Variants in C12orf54 observed in about 807,000 individuals in gnomAD.
The protein encoded by C12orf54 is uncharacterized protein C12orf54.
C12orf54 carries 24 observed loss-of-function variants against 26.4 expected under a neutral mutation model. The observed-to-expected ratio is 0.91, with a 90% CI of 0.66 to 1.28. The LOEUF is 1.28. C12orf54 is among the 50% of genes most tolerant of loss of function. The pLI is 0.00. For missense variants in C12orf54, 154 were observed against 150.9 expected (o/e 1.02, Z -0.11); for synonymous variants, 54 against 47.0 (o/e 1.15, Z -0.61).
At chr12:48,419,259 A>G in the C12orf54 span, among the ~76,000 whole-genome samples, 1 of 152,326 alleles carries the variant, frequency 6.6e-6, no homozygotes, top group African/African-American at 2.4e-5. Context: ...CCTTGAAGAC[A>G]TAGTTGGGAT....
intron 7 of C12orf54, 66 bp downstream of exon 7, chr12:48,493,061 C>T (rs961083458): frequency 2.5e-5 from 35 of 1,406,354 alleles, no homozygotes; most frequent in Non-Finnish European, 3.1e-5. Flanking sequence ...GTGTGCTGGC[C>T]ATGAATATAG....
the C12orf54 span, among the ~76,000 whole-genome samples, chr12:48,466,386 T>C: frequency 5.9e-5 from 9 of 151,770 alleles, no homozygotes; most frequent in Admixed American, 5.9e-4. Flanking sequence ...CTAATAAAAA[T>C]ACAAAAATTA....
the C12orf54 span, chr12:48,472,763 A>G: frequency 6.2e-7 from 1 of 1,614,228 alleles, no homozygotes; most frequent in Non-Finnish European, 8.5e-7. Context: ...ATGAAGGCAA[A>G]TTGGAAGGCC....
chr12:48,477,138 G>A, the C12orf54 span, among the ~76,000 whole-genome samples: 1 of 152,332 alleles, frequency 6.6e-6, no homozygotes, highest in Admixed American at 6.5e-5. Context: ...ACATGCTCCT[G>A]AGTGACTACT....
the C12orf54 span, among the ~76,000 whole-genome samples, chr12:48,450,122 T>C: frequency 2.0e-5 from 3 of 152,186 alleles, no homozygotes; most frequent in Non-Finnish European, 4.4e-5. Flanking sequence ...ACTAATACAT[T>C]GCATTAATGC....
At chr12:48,488,163 G>A (rs1937694954) in intron 4 of C12orf54, 1 of 752,572 alleles carries the variant, frequency 1.3e-6, no homozygotes, top group South Asian at 1.4e-5. Flanking sequence ...CCTTATGAAT[G>A]AGGGTATCCA....
chr12:48,433,455 TGGGG>T, the C12orf54 span, among the ~76,000 whole-genome samples: 401 of 134,962 alleles, frequency 3.0e-3, 3 homozygotes, highest in African/African-American at 9.8e-3. Context: ...AGCTTTTTTT[TGGGG>T]GGGGGGGGGG....
At chr12:48,488,985 C>A (rs771315501) in intron 5 of C12orf54, 29 bp downstream of exon 5, 1 of 1,606,460 alleles carries the variant, frequency 6.2e-7, no homozygotes, top group South Asian at 1.1e-5. Flanking sequence ...TCTCTGAATT[C>A]CCCAGCCCCA....
the C12orf54 span, among the ~76,000 whole-genome samples, chr12:48,416,816 T>A: frequency 6.6e-6 from 1 of 151,894 alleles, no homozygotes; most frequent in African/African-American, 2.4e-5. Context: ...GGGCCTAGAT[T>A]GTGCCACTGC....
At chr12:48,481,447 T>C (rs1954197926), upstream of C12orf54, among the ~76,000 whole-genome samples, 1 of 152,112 alleles carries the variant, frequency 6.6e-6, no homozygotes, top group Admixed American at 6.5e-5. Context: ...AATCAGAGTC[T>C]AATTTGAAGC....
At chr12:48,467,170 G>C in the C12orf54 span, among the ~76,000 whole-genome samples, 2 of 152,154 alleles carry the variant, frequency 1.3e-5, no homozygotes, top group Admixed American at 1.3e-4. Context: ...CACATCAGAA[G>C]AGAAGGTGAT....
At chr12:48,430,784 A>G in the C12orf54 span, among the ~76,000 whole-genome samples, 5 of 152,226 alleles carry the variant, frequency 3.3e-5, no homozygotes, top group Non-Finnish European at 5.9e-5. Context: ...TGATTCAGCA[A>G]TCTCACTACT....
At chr12:48,495,057 C>A in intron 8 of C12orf54, 78 bp downstream of exon 8, 6 of 1,119,732 alleles carry the variant, frequency 5.4e-6, no homozygotes, top group Non-Finnish European at 6.4e-6. Flanking sequence ...CCTCTTAGGC[C>A]CTCATCCCAA....
At chr12:48,476,519 C>T in the C12orf54 span, among the ~76,000 whole-genome samples, 1 of 152,110 alleles carries the variant, frequency 6.6e-6, no homozygotes, top group Admixed American at 6.5e-5. Context: ...TGCAGAGACA[C>T]ACATAGGCTC....
the C12orf54 span, among the ~76,000 whole-genome samples, chr12:48,463,290 G>A: frequency 6.6e-6 from 1 of 151,926 alleles, no homozygotes; most frequent in Admixed American, 6.6e-5. Context: ...AGATTATTAT[G>A]AACACCTTTA....
the C12orf54 span, among the ~76,000 whole-genome samples, chr12:48,416,862 C>CAA: frequency 2.3e-3 from 330 of 145,270 alleles, no homozygotes; most frequent in Non-Finnish European, 3.8e-3. Flanking sequence ...ACTCCATCTC[C>CAA]AAAAAAAAAA....
chr12:48,427,112 A>G, the C12orf54 span, among the ~76,000 whole-genome samples: 111 of 152,196 alleles, frequency 7.3e-4, no homozygotes, highest in Non-Finnish European at 1.3e-3. Context: ...TTCCAATACT[A>G]TGTTGAATAG....
At chr12:48,463,370 C>T in the C12orf54 span, among the ~76,000 whole-genome samples, 5 of 152,008 alleles carry the variant, frequency 3.3e-5, no homozygotes, top group Non-Finnish European at 5.9e-5. Context: ...CAAGACTGAA[C>T]CAGGAAGAAA....
At chr12:48,477,314 C>T in the C12orf54 span, among the ~76,000 whole-genome samples, 308 of 152,170 alleles carry the variant, frequency 2.0e-3, 3 homozygotes, top group African/African-American at 7.0e-3. Context: ...AAAATTGACA[C>T]CCTAACATCA....
Sources: gnomAD v4.1 joint callset for allele counts (sites outside exome capture counted in the v4.1 genomes callset) on GRCh38, gnomAD v4.1.1 for gene constraint, MANE v1.5 for transcripts, NCBI Gene and HGNC (gene_info 2026-07-23, HGNC 2026-07-21) for gene names.